Variants in ETV6 observed in about 807,000 individuals in gnomAD.
ETV6 encodes ETS variant transcription factor 6, also known as transcription factor ETV6.
Under a neutral mutation model 51.1 loss-of-function variants are expected in ETV6, and 16 were observed. That is an observed-to-expected ratio of 0.31 (90% CI 0.21 to 0.48). The LOEUF (loss-of-function observed/expected upper bound fraction) is 0.48. ETV6 is among the 20% of genes least tolerant of loss of function. The pLI is 0.99. For missense variants in ETV6, 458 were observed against 594.8 expected, an observed-to-expected ratio of 0.77 and a Z score of 2.39; for synonymous variants, 240 against 224.1, an observed-to-expected ratio of 1.07 and a Z score of -0.64.
intron 2 of ETV6, among the ~76,000 whole-genome samples, chr12:11,828,032 G>T (rs1157976707): frequency 6.6e-6 from 1 of 152,048 alleles, no homozygotes; most frequent in Non-Finnish European, 1.5e-5. Flanking sequence ...ATCTGTTTGA[G>T]GAACATTTCA....
intron 4 of ETV6, among the ~76,000 whole-genome samples, chr12:11,854,951 C>A (rs1453736221): frequency 1.3e-5 from 2 of 152,120 alleles, no homozygotes; most frequent in Non-Finnish European, 2.9e-5. Flanking sequence ...TTAATTTAGG[C>A]CCTGGACCTA....
At chr12:11,870,055 G>T (rs1565560490) in intron 5 of ETV6, 86 bp downstream of exon 5, 7 of 1,461,576 alleles carry the variant, frequency 4.8e-6, no homozygotes, top group Non-Finnish European at 6.4e-6. Flanking sequence ...AGCCAGCCTC[G>T]CACCATTCCC....
intron 2 of ETV6, among the ~76,000 whole-genome samples, chr12:11,812,895 C>A (rs1235373719): frequency 6.6e-6 from 1 of 152,216 alleles, no homozygotes; most frequent in African/African-American, 2.4e-5. Flanking sequence ...CCCGGCTGGT[C>A]TTTATCCTCA....
At chr12:11,846,213 C>T (rs990546037) in intron 3 of ETV6, among the ~76,000 whole-genome samples, 14 of 138,676 alleles carry the variant, frequency 1.0e-4, no homozygotes, top group African/African-American at 4.1e-4. Context: ...TCTCCCACAC[C>T]AGGCATACTC....
intron 2 of ETV6, among the ~76,000 whole-genome samples, chr12:11,775,056 G>A (rs770196133): frequency 1.3e-5 from 2 of 152,228 alleles, no homozygotes; most frequent in Non-Finnish European, 2.9e-5. Context: ...TGCTGTATTT[G>A]TAATTCTCTG....
intron 2 of ETV6, among the ~76,000 whole-genome samples, chr12:11,760,316 T>G (rs140593558): frequency 1.3e-5 from 2 of 152,192 alleles, no homozygotes; most frequent in Non-Finnish European, 2.9e-5. Flanking sequence ...GGCTGTAAGA[T>G]TCCAGTAATA....
intron 1 of ETV6, among the ~76,000 whole-genome samples, chr12:11,662,310 C>T (rs1044223267): frequency 6.6e-6 from 1 of 152,146 alleles, no homozygotes; most frequent in African/African-American, 2.4e-5. Context: ...CCAGCAGGTC[C>T]CACTGAAAGG....
chr12:11,883,396 C>T (rs927172883), intron 5 of ETV6, among the ~76,000 whole-genome samples: 2 of 146,976 alleles, frequency 1.4e-5, no homozygotes, highest in Non-Finnish European at 3.0e-5. Flanking sequence ...TGGGTTCAGG[C>T]GATTCTCCTG....
chr12:11,835,816 A>T (rs924548218), intron 2 of ETV6, among the ~76,000 whole-genome samples: 4 of 152,198 alleles, frequency 2.6e-5, no homozygotes, highest in Non-Finnish European at 5.9e-5. Context: ...TGGGACATGC[A>T]TGTCGAAGTA....
chr12:11,756,372 A>G (rs969926333), intron 2 of ETV6, among the ~76,000 whole-genome samples: 4 of 152,192 alleles, frequency 2.6e-5, no homozygotes, highest in Admixed American at 6.5e-5. Flanking sequence ...GAGGATAGAA[A>G]GGGCATCATT....
chr12:11,864,599 A>G (rs1469615484), intron 4 of ETV6, among the ~76,000 whole-genome samples: 1 of 152,216 alleles, frequency 6.6e-6, no homozygotes, highest in Non-Finnish European at 1.5e-5. Flanking sequence ...ATTGACATCC[A>G]TATTATCTAT....
At chr12:11,710,328 C>T in intron 1 of ETV6, among the ~76,000 whole-genome samples, 1 of 152,082 alleles carries the variant, frequency 6.6e-6, no homozygotes, top group East Asian at 1.9e-4. Context: ...CTGCCTGTTA[C>T]AAGGAAAGGC....
intron 1 of ETV6, among the ~76,000 whole-genome samples, chr12:11,689,437 TATTTCATTTTATTTC>T (rs1392150494): frequency 6.6e-6 from 1 of 152,280 alleles, no homozygotes; most frequent in East Asian, 1.9e-4. Flanking sequence ...TATTTTATTT[TATTTCATTTTATTTC>T]ATTTCATTTT....
chr12:11,891,202 C>T lies in ETV6; in HGVS notation c.*156C>T, dbSNP rs974615288. 4 of 597,668 alleles carry T rather than the reference C, an allele frequency of 6.7e-6. No individual in the cohort carries two copies. The highest frequency in any genetic ancestry group is 1.9e-5 in the African/African-American group (1 of 53,756). The allele number at this position is 597,668 out of a possible 1,614,324, so 37.0% of individuals were successfully genotyped here. A position where few individuals can be genotyped will look rare whatever the true frequency, so the allele number is the denominator to read the frequency against. ...CTTCTCTTGCAGACCAAGAGGGACC[C>T]TGGAGCACCTTAGACAAACTACCCA... On this transcript the variant is annotated 3_prime_UTR_variant, in exon 8 of 8. Transcript: ENST00000396373.
Position 11,892,210 on chromosome 12 carries a change from A to ATTTTTTTTTTTTTTTT in ETV6, c.*1172_*1187dup, listed in dbSNP as rs35812814. The ATTTTTTTTTTTTTTTT allele has an allele frequency of 3.5e-4, 53 of 153,566 alleles. 4 individuals carry two copies. The highest frequency in any genetic ancestry group is 2.0e-3 in the African/African-American group (48 of 24,384). 9.5% of individuals were successfully genotyped at this position (153,566 alleles called of 1,614,324 possible). A position where few individuals can be genotyped will look rare whatever the true frequency, so the allele number is the denominator to read the frequency against. ...GTGGTCAGTTTCATGCCCTCACCTG[A>ATTTTTTTTTTTTTTTT]TTTTTTTTTTTTTTTTTTTTTTTCA... On this transcript the variant is annotated 3_prime_UTR_variant, in exon 8 of 8. Coordinates refer to ENST00000396373, the MANE Select transcript of ETV6 (RefSeq NM_001987.5).
intron 3 of ETV6, among the ~76,000 whole-genome samples, chr12:11,841,632 T>C (rs982223924): frequency 8.5e-5 from 13 of 152,260 alleles, no homozygotes; most frequent in African/African-American, 3.1e-4. Flanking sequence ...ACCAAGCAAC[T>C]CTATGCCAGA....
At chr12:11,863,375 G>T (rs1350873947) in intron 4 of ETV6, among the ~76,000 whole-genome samples, 1 of 152,130 alleles carries the variant, frequency 6.6e-6, no homozygotes, top group Non-Finnish European at 1.5e-5. Flanking sequence ...GGGATTATTT[G>T]TGTCTGACAG....
At chr12:11,660,961 T>C (rs2120642872) in intron 1 of ETV6, among the ~76,000 whole-genome samples, 1 of 152,340 alleles carries the variant, frequency 6.6e-6, no homozygotes, top group South Asian at 2.1e-4. Context: ...ATGGCACATC[T>C]GAAGGATTGG....
At chr12:11,698,993 A>G (rs1205826947) in intron 1 of ETV6, among the ~76,000 whole-genome samples, 1 of 152,236 alleles carries the variant, frequency 6.6e-6, no homozygotes, top group Non-Finnish European at 1.5e-5. Context: ...GGCAGATTCC[A>G]GAACCCACTA....
Sources: gnomAD v4.1 joint callset for allele counts (sites outside exome capture counted in the v4.1 genomes callset) on GRCh38, gnomAD v4.1.1 for gene constraint, MANE v1.5 for transcripts, NCBI Gene and HGNC (gene_info 2026-07-23, HGNC 2026-07-21) for gene names.